CEP85L: variants seen among roughly 807,000 people sequenced by gnomAD.
The protein encoded by CEP85L is centrosomal protein 85L.
A neutral mutation model predicts 100.3 loss-of-function variants in CEP85L; 60 were observed. The ratio of observed to expected loss-of-function variants is 0.60; its 90% CI spans 0.49 to 0.74. The LOEUF is 0.74. Among genes scored for constraint, CEP85L ranks in the 30% least tolerant of loss-of-function variants. The pLI, the probability that CEP85L is intolerant of heterozygous loss-of-function variation, is 0.00. For synonymous variants in CEP85L, 319 were observed against 322.7 expected (o/e 0.99, Z 0.12); for missense variants, 973 against 936.2 (o/e 1.04, Z -0.51).
intron 3 of CEP85L, among the ~76,000 whole-genome samples, chr6:118,547,716 CTT>C (rs1778288280): frequency 6.6e-6 from 1 of 151,984 alleles, no homozygotes; most frequent in African/African-American, 2.4e-5. Flanking sequence ...TTTATTAGTT[CTT>C]TAACTGTAAG....
At chr6:118,658,360 G>A (rs994499943) in intron 1 of CEP85L, among the ~76,000 whole-genome samples, 3 of 152,120 alleles carry the variant, frequency 2.0e-5, no homozygotes, top group East Asian at 1.9e-4. Flanking sequence ...GTGAAGGATC[G>A]GTTACTTCAC....
At chr6:118,475,708 GA>G (rs201444988) in intron 10 of CEP85L, among the ~76,000 whole-genome samples, 1 of 151,890 alleles carries the variant, frequency 6.6e-6, no homozygotes, top group African/African-American at 2.4e-5. Context: ...CTAACTTCTG[GA>G]AAAAATGTAT....
chr6:118,640,809 G>A (rs1349924834), intron 1 of CEP85L, among the ~76,000 whole-genome samples: 2 of 152,280 alleles, frequency 1.3e-5, no homozygotes, highest in Admixed American at 6.5e-5. Flanking sequence ...GATTACAGGC[G>A]TGAGCCACTG....
chr6:118,475,359 T>C (rs930133804), intron 10 of CEP85L, among the ~76,000 whole-genome samples: 2 of 147,162 alleles, frequency 1.4e-5, no homozygotes, highest in Non-Finnish European at 3.0e-5. Context: ...TTTTTTTTTT[T>C]TTTTTTTTTT....
intron 9 of CEP85L, 43 bp from the exon 10 acceptor site, chr6:118,479,964 C>T (rs780626536): frequency 2.5e-5 from 26 of 1,026,954 alleles, no homozygotes; most frequent in Admixed American, 9.8e-5. Flanking sequence ...ATTTTTACAT[C>T]GCTTCTTAAA....
intron 1 of CEP85L, among the ~76,000 whole-genome samples, chr6:118,659,151 C>T (rs1775888970): frequency 6.6e-6 from 1 of 152,082 alleles, no homozygotes; most frequent in Non-Finnish European, 1.5e-5. Flanking sequence ...CCAGTTACTA[C>T]AATGAAAACA....
At chr6:118,500,133 T>C (rs192913854) in intron 5 of CEP85L, among the ~76,000 whole-genome samples, 5 of 132,210 alleles carry the variant, frequency 3.8e-5, no homozygotes, top group Admixed American at 7.3e-5. Flanking sequence ...AGACCTTGCC[T>C]CTACTAAAGT....
Position 118,491,634 on chromosome 6 carries a change from A to G in CEP85L, c.1437+52T>C, listed in dbSNP as rs200131937. The G allele has an allele frequency of 5.7e-6, 9 of 1,576,346 alleles. No homozygotes were observed. In the East Asian group the frequency reaches 1.8e-4, roughly 32 times the overall value. On this transcript the variant is annotated intron_variant, in intron 6 of 12. Transcript: ENST00000368491. ...CAGGGTAAATGACAGACAAATAATT[A>G]TATGCTGAGGAAATGTTGTTGACCT...
At chr6:118,523,679 G>A in intron 4 of CEP85L, 123 bp downstream of exon 4, 1 of 490,720 alleles carries the variant, frequency 2.0e-6, no homozygotes, top group South Asian at 3.8e-5. Context: ...GGGCAGAGAT[G>A]TGACATCAAT....
intron 3 of CEP85L, among the ~76,000 whole-genome samples, chr6:118,562,638 G>A (rs1478623116): frequency 6.6e-6 from 1 of 152,116 alleles, no homozygotes; most frequent in African/African-American, 2.4e-5. Context: ...TGGGATTACA[G>A]GGGTGAGCTA....
At chr6:118,547,623 G>A (rs566430528) in intron 3 of CEP85L, among the ~76,000 whole-genome samples, 56 of 152,108 alleles carry the variant, frequency 3.7e-4, no homozygotes, top group African/African-American at 1.3e-3. Flanking sequence ...GGTGTTGTAT[G>A]TATCAGTTTA....
intron 1 of CEP85L, among the ~76,000 whole-genome samples, chr6:118,696,716 T>C (rs1777224941): frequency 6.6e-6 from 1 of 152,186 alleles, no homozygotes; most frequent in Admixed American, 6.5e-5. Context: ...GCAGTTAAGA[T>C]ATTTTTGACT....
At chr6:118,554,082 G>C (rs1363724649) in intron 3 of CEP85L, among the ~76,000 whole-genome samples, 2 of 152,152 alleles carry the variant, frequency 1.3e-5, no homozygotes, top group Admixed American at 6.5e-5. Flanking sequence ...GAGCTCAGGA[G>C]TTTGAGACCA....
intron 1 of CEP85L, among the ~76,000 whole-genome samples, chr6:118,709,395 G>A (rs1777707814): frequency 6.6e-6 from 1 of 152,162 alleles, no homozygotes. Context: ...ATTGGGAAGT[G>A]ACACATGCTG....
chr6:118,576,135 A>G (rs1234897231), intron 2 of CEP85L, among the ~76,000 whole-genome samples: 2 of 152,208 alleles, frequency 1.3e-5, no homozygotes, highest in East Asian at 3.9e-4. Context: ...TCACCTAACC[A>G]AATTAATTCT....
intron 3 of CEP85L, among the ~76,000 whole-genome samples, chr6:118,542,954 GC>G (rs1454233223): frequency 1.4e-5 from 2 of 143,828 alleles, no homozygotes; most frequent in Non-Finnish European, 3.0e-5. Flanking sequence ...ATCAGAAAGG[GC>G]CCAGTTTACC....
rs370534695 is a variant in CEP85L, at chr6:118,537,673, T to A, written c.1021-13753A>T. The A allele has an allele frequency of 1.0e-5, 10 of 985,356 alleles. No homozygotes were observed. In the African/African-American group the frequency reaches 1.7e-4, roughly 17 times the overall value. 61.0% of individuals were successfully genotyped at this position (985,356 alleles called of 1,614,324 possible). A position where few individuals can be genotyped will look rare whatever the true frequency, so the allele number is the denominator to read the frequency against. Reference sequence around the variant, plus strand: ...ACTTAATGGCCAAACATGCTCCTAATAAAAGTTTACTGTAGTGCAGCTGAA... The same window carrying A: ...ACTTAATGGCCAAACATGCTCCTAAAAAAAGTTTACTGTAGTGCAGCTGAA... On this transcript the variant is annotated intron_variant, in intron 3 of 12. Transcript: ENST00000368491.
intron 3 of CEP85L, among the ~76,000 whole-genome samples, chr6:118,535,518 A>G (rs1451058107): frequency 6.6e-6 from 1 of 152,216 alleles, no homozygotes; most frequent in East Asian, 1.9e-4. Flanking sequence ...GCCTGAAAAT[A>G]TTAATAATGG....
At chr6:118,560,471 G>A (rs1779160699) in intron 3 of CEP85L, 1 of 167,034 alleles carries the variant, frequency 6.0e-6, no homozygotes, top group African/African-American at 2.4e-5. Context: ...GGCAGAGGAG[G>A]AGAAAGATGG....
Sources: gnomAD v4.1 joint callset for allele counts (sites outside exome capture counted in the v4.1 genomes callset) on GRCh38, gnomAD v4.1.1 for gene constraint, MANE v1.5 for transcripts, NCBI Gene and HGNC (gene_info 2026-07-23, HGNC 2026-07-21) for gene names.